ERC2: variants seen among roughly 807,000 people sequenced by gnomAD.
ERC2 encodes the protein ELKS/RAB6-interacting/CAST family member 2, also known as ERC protein 2.
ERC2 carries 42 observed loss-of-function variants against 114.8 expected under a neutral mutation model. The ratio of observed to expected loss-of-function variants is 0.37; its 90% CI spans 0.29 to 0.47. The LOEUF (loss-of-function observed/expected upper bound fraction) is 0.47. Ranked by LOEUF, ERC2 falls within the 20% of genes least tolerant of loss-of-function variation. The pLI, the probability that ERC2 is intolerant of heterozygous loss-of-function variation, is 0.99. For missense variants in ERC2, 939 were observed against 1,150.7 expected (o/e 0.82, Z 2.66); for synonymous variants, 454 against 425.5 (o/e 1.07, Z -0.82).
intron 2 of ERC2, among the ~76,000 whole-genome samples, chr3:56,328,123 C>T (rs1017848075): frequency 1.3e-5 from 2 of 152,122 alleles, no homozygotes; most frequent in African/African-American, 4.8e-5. Flanking sequence ...CTATAGTAAC[C>T]TAAGTCAGGG....
chr3:55,756,616 C>T (rs2067075626), intron 14 of ERC2, among the ~76,000 whole-genome samples: 1 of 152,160 alleles, frequency 6.6e-6, no homozygotes, highest in Non-Finnish European at 1.5e-5. Context: ...TCTTGTTCAT[C>T]CTGACATCTT....
chr3:56,204,791 G>A (rs185408357), intron 3 of ERC2, among the ~76,000 whole-genome samples: 160 of 152,040 alleles, frequency 1.1e-3, no homozygotes, highest in African/African-American at 3.4e-3. Flanking sequence ...GTGAGCCACC[G>A]CACCCAGCCT....
rs1474588168 is a variant in ERC2 at position 55,898,450 on chromosome 3, T to A, written c.2404-9901A>T. Among the ~76,000 whole-genome samples, 3 of 152,276 alleles carry A rather than the reference T, an allele frequency of 2.0e-5. No homozygotes were observed. The East Asian group carries it at 5.8e-4, about 29-fold the overall frequency. ...TGAAGTCAGAAAGCCTAGGTCCCCA[T>A]CAGGCCCCAGCTACATGCTGACGGT... On this transcript the variant is annotated intron_variant, in intron 13 of 17. Transcript: ENST00000288221.
At chr3:55,680,639 G>A (rs1364210042) in intron 17 of ERC2, among the ~76,000 whole-genome samples, 7 of 152,200 alleles carry the variant, frequency 4.6e-5, no homozygotes, top group Non-Finnish European at 8.8e-5. Context: ...TGAGTGTGGG[G>A]TTTGGGGGGT....
chr3:55,599,827 G>A lies in ERC2; in HGVS notation c.*39+83967C>T, dbSNP rs913990590. On this transcript the variant is annotated intron_variant, in intron 17 of 17. Coordinates refer to ENST00000288221, the MANE Select transcript of ERC2 (RefSeq NM_015576.3). ...GTTGATCTTTAAAATTGAGTCTTGT[G>A]GATGAATAACGCCTTGGACTGGTAG... Among the ~76,000 whole-genome samples, 9 of 152,236 alleles carry A rather than the reference G, an allele frequency of 5.9e-5. No homozygotes were observed. In the East Asian group the frequency reaches 1.5e-3, roughly 26 times the overall value.
chr3:56,238,107 G>T (rs950678827), intron 3 of ERC2, among the ~76,000 whole-genome samples: 5 of 152,068 alleles, frequency 3.3e-5, no homozygotes, highest in African/African-American at 1.2e-4. Flanking sequence ...ACCCCAAAAT[G>T]CAGGGTTTTT....
intron 7 of ERC2, among the ~76,000 whole-genome samples, chr3:56,057,173 G>A (rs1024055335): frequency 6.6e-5 from 10 of 151,892 alleles, no homozygotes; most frequent in African/African-American, 2.2e-4. Flanking sequence ...TCTAATTACA[G>A]TAAAATATAC....
intron 1 of ERC2, among the ~76,000 whole-genome samples, chr3:56,445,558 C>T (rs2062521434): frequency 6.6e-6 from 1 of 152,198 alleles, no homozygotes; most frequent in Admixed American, 6.5e-5. Context: ...TAAAATATCT[C>T]CCCTTACCCA....
chr3:56,412,939 C>T (rs60657582), intron 2 of ERC2, among the ~76,000 whole-genome samples: 1 of 152,090 alleles, frequency 6.6e-6, no homozygotes, highest in Non-Finnish European at 1.5e-5. Flanking sequence ...TTTACGGGTG[C>T]ACATTTGTGA....
At chr3:56,263,038 C>G (rs2053047474) in intron 3 of ERC2, among the ~76,000 whole-genome samples, 1 of 152,124 alleles carries the variant, frequency 6.6e-6, no homozygotes, top group African/African-American at 2.4e-5. Context: ...TAATACTAGC[C>G]CATTTCCATT....
intron 17 of ERC2, among the ~76,000 whole-genome samples, chr3:55,625,106 G>T (rs1480514214): frequency 6.6e-6 from 1 of 152,110 alleles, no homozygotes; most frequent in Non-Finnish European, 1.5e-5. Context: ...GGTGGCTCAC[G>T]CCTGTAATCC....
At chr3:56,317,205 A>C (rs2056906609) in intron 2 of ERC2, among the ~76,000 whole-genome samples, 1 of 152,242 alleles carries the variant, frequency 6.6e-6, no homozygotes, top group South Asian at 2.1e-4. Flanking sequence ...GATTCTGCAG[A>C]GGATGTGAAC....
chr3:56,254,947 T>C (rs1227871132), intron 3 of ERC2, among the ~76,000 whole-genome samples: 4 of 152,262 alleles, frequency 2.6e-5, no homozygotes, highest in African/African-American at 9.6e-5. Context: ...TGAAAAATTA[T>C]TGTAGCAATT....
At chr3:56,418,321 G>A (rs1039144988) in intron 2 of ERC2, among the ~76,000 whole-genome samples, 1 of 149,794 alleles carries the variant, frequency 6.7e-6, no homozygotes, top group South Asian at 2.1e-4. Flanking sequence ...AAAAGGATTC[G>A]GAAAGGGGAT....
intron 6 of ERC2, among the ~76,000 whole-genome samples, chr3:56,136,748 C>T (rs17235403): frequency 0.02 from 3,073 of 152,158 alleles, 76 homozygotes; most frequent in South Asian, 0.041. Context: ...ATTGCTCCCC[C>T]TAAGAGACAG....
intron 2 of ERC2, among the ~76,000 whole-genome samples, chr3:56,418,107 C>T (rs533654882): frequency 1.3e-5 from 2 of 151,802 alleles, no homozygotes; most frequent in Admixed American, 6.6e-5. Flanking sequence ...GCCAACATAG[C>T]GAGACCCTGT....
chr3:56,358,209 G>A (rs1319812657), intron 2 of ERC2, among the ~76,000 whole-genome samples: 1 of 152,072 alleles, frequency 6.6e-6, no homozygotes, highest in African/African-American at 2.4e-5. Flanking sequence ...AAATGACTAT[G>A]GCATAGGTTT....
At chr3:55,651,104 T>A (rs61695666) in intron 17 of ERC2, among the ~76,000 whole-genome samples, 3,849 of 144,366 alleles carry the variant, frequency 0.027, 62 homozygotes, top group Middle Eastern at 0.067. Flanking sequence ...CATGTGATCC[T>A]CCCACCTCAG....
intron 14 of ERC2, among the ~76,000 whole-genome samples, chr3:55,851,119 G>T (rs1575841321): frequency 6.6e-6 from 1 of 151,952 alleles, no homozygotes; most frequent in East Asian, 1.9e-4. Flanking sequence ...CACATTCTTG[G>T]AAAAGCTCTG....
Sources: gnomAD v4.1 joint callset for allele counts (sites outside exome capture counted in the v4.1 genomes callset) on GRCh38, gnomAD v4.1.1 for gene constraint, MANE v1.5 for transcripts, NCBI Gene and HGNC (gene_info 2026-07-23, HGNC 2026-07-21) for gene names.